ERCC6L2: variants seen among roughly 807,000 people sequenced by gnomAD.
The protein encoded by ERCC6L2 is DNA excision repair protein ERCC-6-like 2.
ERCC6L2 carries 77 observed loss-of-function variants against 132.0 expected under a neutral mutation model. The ratio of observed to expected loss-of-function variants is 0.58; its 90% confidence interval spans 0.49 to 0.71. ERCC6L2 has a LOEUF of 0.71. ERCC6L2 is among the 30% of genes least tolerant of loss of function. The pLI is 0.00. For synonymous variants in ERCC6L2, 583 were observed against 632.4 expected (o/e 0.92, Z 1.17); for missense variants, 1,542 against 1,837.6 (o/e 0.84, Z 2.94).
intron 14 of ERCC6L2, 45 bp from the exon 15 acceptor site, chr9:95,970,531 C>G (rs767759379): frequency 1.7e-5 from 20 of 1,184,966 alleles, no homozygotes; most frequent in African/African-American, 4.8e-5. Flanking sequence ...GTTGCTACCC[C>G]CTGTGTTGCA....
At position 95,972,567 on chromosome 9, in the gene ERCC6L2, CA is replaced by C; in HGVS notation, c.2818del (p.Arg940GlufsTer16). ...EDSETEHTVK[T>X]RNNDNSRNTD... is the part of the protein sequence containing the mutation. ...TCTGAAACAGAACACACTGTAAAAA[CA>C]AGAAATAATGATAATAGTCGAAACA... On this transcript the variant is annotated frameshift_variant, in exon 16 of 19. Transcript: ENST00000653738. LOFTEE classifies it high-confidence loss of function. The C allele has an allele frequency of 7.8e-7, 1 of 1,289,266 alleles. No homozygotes were observed. The highest frequency in any genetic ancestry group is 1.0e-6 in the Non-Finnish European group (1 of 988,716). The allele number at this position is 1,289,266 out of a possible 1,614,324, so 79.9% of individuals were successfully genotyped here. A position where few individuals can be genotyped will look rare whatever the true frequency, so the allele number is the denominator to read the frequency against.
At chr9:95,889,066 T>A (rs757768168) in intron 2 of ERCC6L2, among the ~76,000 whole-genome samples, 21 of 152,028 alleles carry the variant, frequency 1.4e-4, no homozygotes, top group Non-Finnish European at 2.8e-4. Context: ...CAAAGATTTT[T>A]AAAAATCATT....
rs1251085605 is a variant in ERCC6L2, at chr9:96,017,666, A to G, written c.*4463A>G. The stretch of plus-strand genomic sequence containing the variant: ...TGTCCCCCTGGGACACAGTATTTCC[A>G]GAGAGGTGCTTCAGTTGCCCCACCA... On this transcript the variant is annotated 3_prime_UTR_variant, in exon 19 of 19. Transcript: ENST00000653738. Among the ~76,000 whole-genome samples the G allele has an allele frequency of 1.3e-5, 2 of 152,188 alleles. No individual in the cohort carries two copies. The highest frequency in any genetic ancestry group is 4.8e-5 in the African/African-American group (2 of 41,458).
chr9:95,905,295 C>A (rs1471690572), intron 3 of ERCC6L2, among the ~76,000 whole-genome samples: 1 of 152,150 alleles, frequency 6.6e-6, no homozygotes, highest in Admixed American at 6.6e-5. Context: ...TCTTTCACTA[C>A]CAAAATGAAT....
At chr9:95,897,781 G>A (rs1254253145) in intron 2 of ERCC6L2, 68 bp from the exon 3 acceptor site, 13 of 1,508,662 alleles carry the variant, frequency 8.6e-6, no homozygotes, top group Non-Finnish European at 1.2e-5. Flanking sequence ...GAATAGTCAT[G>A]TAAGCAGTGA....
chr9:95,885,023 A>C (rs897555924), intron 2 of ERCC6L2, among the ~76,000 whole-genome samples: 6 of 152,224 alleles, frequency 3.9e-5, no homozygotes, highest in Non-Finnish European at 8.8e-5. Context: ...CCACATATAC[A>C]TGTACTTCTG....
At chr9:96,029,302 TCAAAAAAAAAAAAAAAAAAAA>T in intron 19 of ERCC6L2, among the ~76,000 whole-genome samples, 1 of 48,694 alleles carries the variant, frequency 2.1e-5, no homozygotes, top group African/African-American at 1.1e-4. Context: ...AGACTCCGTC[TCAAAAAAAAAAAAAAAAAAAA>T]CAAAAAAAAA....
chr9:95,953,842 T>C (rs535461194), intron 12 of ERCC6L2, among the ~76,000 whole-genome samples: 1 of 152,188 alleles, frequency 6.6e-6, no homozygotes, highest in South Asian at 2.1e-4. Flanking sequence ...AGGGAAAAAG[T>C]CAAATACATA....
At chr9:95,899,157 G>A (rs1828624343) in intron 3 of ERCC6L2, among the ~76,000 whole-genome samples, 1 of 151,902 alleles carries the variant, frequency 6.6e-6, no homozygotes, top group African/African-American at 2.4e-5. Flanking sequence ...AAATATTATA[G>A]AACAAGAATG....
At chr9:95,907,757 A>G (rs114946188) in intron 4 of ERCC6L2, among the ~76,000 whole-genome samples, 1,663 of 151,110 alleles carry the variant, frequency 0.011, 41 homozygotes, top group African/African-American at 0.038. Context: ...CTGCCTCTGA[A>G]CTAGGTCAGT....
chr9:95,889,600 T>A (rs545335249), intron 2 of ERCC6L2, among the ~76,000 whole-genome samples: 1 of 152,178 alleles, frequency 6.6e-6, no homozygotes, highest in African/African-American at 2.4e-5. Flanking sequence ...ACTAATATAC[T>A]AATCAAAATA....
intron 14 of ERCC6L2, chr9:95,967,696 A>AT (rs1417758318): frequency 6.6e-6 from 1 of 152,124 alleles, no homozygotes; most frequent in African/African-American, 2.4e-5. Flanking sequence ...CTGAGTTTCT[A>AT]TTTTATAGTA....
intron 18 of ERCC6L2, among the ~76,000 whole-genome samples, chr9:96,011,130 C>A (rs891532831): frequency 1.3e-5 from 2 of 152,130 alleles, no homozygotes; most frequent in East Asian, 1.9e-4. Flanking sequence ...GACTGGGTGG[C>A]TTAAACAACA....
intron 17 of ERCC6L2, among the ~76,000 whole-genome samples, chr9:96,000,370 G>A (rs9792684): frequency 0.03 from 4,622 of 152,090 alleles, 99 homozygotes; most frequent in East Asian, 0.13. Flanking sequence ...GCTTTTGTCA[G>A]TTTCAATAAA....
At chr9:95,938,693 T>A (rs559120128) in intron 11 of ERCC6L2, among the ~76,000 whole-genome samples, 27 of 152,284 alleles carry the variant, frequency 1.8e-4, no homozygotes, top group African/African-American at 6.0e-4. Context: ...CCTTTCACTC[T>A]CAGCCTAGCT....
Position 95,972,910 on chromosome 9 carries a change from C to T in ERCC6L2, c.3159C>T (p.Phe1053=), listed in dbSNP as rs781554648. ...SSDESLSVSH[F]SFSKQSHRPR... is the part of the protein sequence containing the mutation. ...ATGAGAGTTTATCCGTCAGCCACTT[C>T]AGTTTCTCTAAACAGAGCCACAGAC... The change falls in exon 16 of 19, where the codon TTC becomes TTT. Residue 1053 remains phenylalanine (F), a synonymous_variant. Coordinates refer to ENST00000653738, the MANE Select transcript of ERCC6L2 (RefSeq NM_020207.7). The T allele has an allele frequency of 1.5e-6, 2 of 1,305,816 alleles. No individual in the cohort carries two copies. Among genetic ancestry groups the T allele is most frequent in the Non-Finnish European group, 2.0e-6 (2 of 989,164 alleles). The allele number at this position is 1,305,816 out of a possible 1,614,324, so 80.9% of individuals were successfully genotyped here.
intron 18 of ERCC6L2, 198 bp downstream of exon 18, chr9:96,004,899 G>A (rs925100917): frequency 2.4e-5 from 8 of 336,324 alleles, no homozygotes; most frequent in Non-Finnish European, 4.6e-5. Flanking sequence ...ACCATAAAAA[G>A]GGAAATCATG....
At chr9:95,893,579 C>T (rs1828283164) in intron 2 of ERCC6L2, among the ~76,000 whole-genome samples, 1 of 152,020 alleles carries the variant, frequency 6.6e-6, no homozygotes, top group Non-Finnish European at 1.5e-5. Flanking sequence ...ACTATCTGGC[C>T]CTTAACTTTC....
chr9:95,949,570 AAC>A (rs901494143), intron 12 of ERCC6L2, among the ~76,000 whole-genome samples: 31 of 152,090 alleles, frequency 2.0e-4, no homozygotes, highest in African/African-American at 7.5e-4. Flanking sequence ...GGGAAAAAAA[AAC>A]AAACAAACTG....
Sources: allele counts gnomAD v4.1 joint callset (sites outside exome capture counted in the v4.1 genomes callset), GRCh38; gene constraint gnomAD v4.1.1; transcripts MANE v1.5; gene names NCBI Gene and HGNC (gene_info 2026-07-23, HGNC 2026-07-21).